The following LMF1 variants were observed in gnomAD, a reference collection of about 807,000 sequenced individuals.
The protein encoded by LMF1 is lipase maturation factor 1.
In LMF1, 68 loss-of-function variants were observed where a neutral mutation model predicts 60.6. The observed-to-expected ratio is 1.12, with a 90% CI of 0.92 to 1.37. The LOEUF (loss-of-function observed/expected upper bound fraction) is 1.37, where lower values mean the gene tolerates loss of function less well. LMF1 is among the 40% of genes most tolerant of loss of function. LMF1 has a pLI of 0.00. For synonymous variants in LMF1, 418 were observed against 324.7 expected (o/e 1.29, Z -3.09); for missense variants, 948 against 767.2 (o/e 1.24, Z -2.78).
chr16:911,238 C>T (rs556474746), intron 3 of LMF1, 159 bp from the exon 4 acceptor site: 32 of 866,356 alleles, frequency 3.7e-5, no homozygotes, highest in South Asian at 1.0e-4. Flanking sequence ...AACATCGACA[C>T]GCAAGGTCAG....
At chr16:971,169 G>T (rs902508637), upstream of LMF1, among the ~76,000 whole-genome samples, 321 of 152,278 alleles carry the variant, frequency 2.1e-3, 2 homozygotes, top group African/African-American at 7.0e-3. Context: ...GGGAGCGGGT[G>T]CCCGGAGCCT....
chr16:960,324 GAC>G lies in LMF1; in HGVS notation c.194-5660_194-5659del, dbSNP rs1270883922. ...AGTGACAACACTGGATCACAACCCA[GAC>G]ACAGACTCACGGTGACAGCACGGGA... On this transcript the variant is annotated intron_variant, in intron 1 of 10. Coordinates refer to ENST00000262301, the MANE Select transcript of LMF1 (RefSeq NM_022773.4). Among the ~76,000 whole-genome samples the G allele has an allele frequency of 7.4e-4, 110 of 148,184 alleles. 15 individuals carry two copies. The highest frequency in any genetic ancestry group is 7.0e-3 in the Middle Eastern group (2 of 284).
chr16:916,279 C>G (rs1434387375), intron 3 of LMF1, among the ~76,000 whole-genome samples: 1 of 152,162 alleles, frequency 6.6e-6, no homozygotes, highest in Non-Finnish European at 1.5e-5. Flanking sequence ...ACGTTAGAAA[C>G]AGGAAATCCA....
At chr16:909,534 CAA>C (rs999471296) in intron 4 of LMF1, among the ~76,000 whole-genome samples, 6 of 152,166 alleles carry the variant, frequency 3.9e-5, no homozygotes, top group Non-Finnish European at 7.4e-5. Flanking sequence ...CACGCTATAC[CAA>C]GCCACGCTAT....
intron 10 of LMF1, among the ~76,000 whole-genome samples, chr16:866,808 C>A (rs941877909): frequency 6.6e-6 from 1 of 152,110 alleles, no homozygotes; most frequent in African/African-American, 2.4e-5. Context: ...TTCTTGTCTG[C>A]ATCTGCTGGC....
At chr16:875,748 G>C (rs1449097699) in intron 6 of LMF1, among the ~76,000 whole-genome samples, 1 of 152,154 alleles carries the variant, frequency 6.6e-6, no homozygotes, top group Non-Finnish European at 1.5e-5. Context: ...ACCGGCCTCG[G>C]AACCAGACCC....
At position 962,363 on chromosome 16, in the gene LMF1, A is replaced by C. The variant is rs1413082293; in HGVS notation, c.194-7697T>G. On this transcript the variant is annotated intron_variant, in intron 1 of 10. Coordinates refer to ENST00000262301, the MANE Select transcript of LMF1 (RefSeq NM_022773.4). This position sits in a 1 kb window ranked among gnomAD's most constrained non-coding sequence, Gnocchi z 4.5. ...AGTAACAAGATCTTCCTCACAGAGG[A>C]ATTCCACATAATGTCCGCAGACACT... Among the ~76,000 whole-genome samples the C allele has an allele frequency of 2.6e-5, 4 of 152,268 alleles. No individual in the cohort carries two copies. The highest frequency in any genetic ancestry group is 9.6e-5 in the African/African-American group (4 of 41,468).
rs1394997627 is a variant in LMF1, at chr16:979,157, A to C, written c.-135+1988T>G. 6.8e-6 allele frequency: 3 copies of C among 443,030 alleles called. No homozygotes were observed. In the Admixed American group the frequency reaches 7.1e-5, roughly 10 times the overall value. The allele number at this position is 443,030 out of a possible 1,614,324, so 27.4% of individuals were successfully genotyped here. On this transcript the variant is annotated intron_variant, in intron 1 of 6. Transcript: ENST00000570014. ...ATTAATACCTGGTGACCCTCAAGCC[A>C]TCCCGACACCTCCCTCTCTGAAAGC...
intron 1 of LMF1, among the ~76,000 whole-genome samples, chr16:978,388 C>T (rs368477979): frequency 1.3e-5 from 2 of 151,978 alleles, no homozygotes; most frequent in Non-Finnish European, 2.9e-5. Flanking sequence ...CCTCCGGGGT[C>T]GCCATCCCTA....
At chr16:934,782 C>T (rs913315899) in intron 2 of LMF1, among the ~76,000 whole-genome samples, 9 of 152,240 alleles carry the variant, frequency 5.9e-5, no homozygotes, top group Non-Finnish European at 1.3e-4. Context: ...GCAAGCAGCA[C>T]GGGTGTCTAG....
rs1289631509 is a variant in LMF1, at chr16:925,815, G to C, written c.514+8429C>G. ...ACCAGATATTAGTAAGTGAAAAAAA[G>C]GGAATGAAAGAAATGTATCTAATAT... On this transcript the variant is annotated intron_variant, in intron 3 of 10. Transcript: ENST00000262301. Among the ~76,000 whole-genome samples, 6 of 152,266 alleles carry C rather than the reference G, an allele frequency of 3.9e-5. 1 individual carries two copies.
intron 10 of LMF1, chr16:855,844 C>T (rs2069170427): frequency 2.2e-6 from 1 of 456,068 alleles, no homozygotes; most frequent in Non-Finnish European, 4.4e-6. Flanking sequence ...CTGCACACAG[C>T]TGTGCTCTGG....
chr16:957,528 C>A (rs960259588), intron 1 of LMF1, among the ~76,000 whole-genome samples: 7 of 152,130 alleles, frequency 4.6e-5, no homozygotes, highest in African/African-American at 1.7e-4. Flanking sequence ...TCCATAAATT[C>A]GGCACAATCT....
chr16:907,085 A>C (rs551545863), intron 4 of LMF1, among the ~76,000 whole-genome samples: 1 of 152,266 alleles, frequency 6.6e-6, no homozygotes, highest in East Asian at 1.9e-4. Context: ...TTTCATTTTG[A>C]CATTTTCTCC....
chr16:856,149 G>C (rs1408711415), intron 10 of LMF1: 3 of 364,286 alleles, frequency 8.2e-6, no homozygotes, highest in African/African-American at 6.4e-5. Context: ...GATGCTGGCA[G>C]TTGGTGGCTC....
intron 2 of LMF1, among the ~76,000 whole-genome samples, chr16:938,850 G>A (rs2072015762): frequency 6.6e-6 from 1 of 152,202 alleles, no homozygotes; most frequent in Non-Finnish European, 1.5e-5. Context: ...TATGTAAATA[G>A]CCCTTAAAAG....
At chr16:954,138 G>C (rs990971724) in intron 2 of LMF1, 6 of 678,120 alleles carry the variant, frequency 8.8e-6, no homozygotes, top group South Asian at 1.5e-5. Context: ...AAGTAAGGAA[G>C]AGCTACTGCA....
At chr16:924,233 C>T (rs183684583) in intron 3 of LMF1, among the ~76,000 whole-genome samples, 15 of 152,220 alleles carry the variant, frequency 9.9e-5, no homozygotes, top group East Asian at 3.9e-4. Context: ...CCGTGGTATG[C>T]GAAGAATAAC....
In LMF1 at chr16:965,042, C is replaced by A. The variant is rs146993391; in HGVS notation, c.193+5746G>T. On this transcript the variant is annotated intron_variant, in intron 1 of 10. Transcript: ENST00000262301. The stretch of plus-strand genomic sequence containing the variant: ...GATTTTCAACATAATCTCAGTGAGC[C>A]CAGGACTCCAATGTGACAATGTGGA... Among the ~76,000 whole-genome samples the A allele has an allele frequency of 1.2e-3, 181 of 152,304 alleles. 1 individual carries two copies. The highest frequency in any genetic ancestry group is 3.9e-3 in the African/African-American group (162 of 41,578).
Sources: gnomAD v4.1 joint callset for allele counts (sites outside exome capture counted in the v4.1 genomes callset) on GRCh38, gnomAD v4.1.1 for gene constraint, Gnocchi (gnomAD v3.1) non-coding constraint, MANE v1.5 for transcripts, NCBI Gene and HGNC (gene_info 2026-07-23, HGNC 2026-07-21) for gene names.